Variants in SPC25 observed in about 807,000 individuals in gnomAD.
The protein encoded by SPC25 is kinetochore protein Spc25.
In SPC25, 22 loss-of-function variants were observed where a neutral mutation model predicts 29.6. The observed-to-expected ratio is 0.74, with a 90% confidence interval of 0.53 to 1.06. SPC25 has a LOEUF of 1.06. Ranked by LOEUF, SPC25 falls within the 50% of genes least tolerant of loss-of-function variation. The pLI, the probability that SPC25 is intolerant of heterozygous loss-of-function variation, is 0.00. For missense variants in SPC25, 230 were observed against 255.8 expected, an observed-to-expected ratio of 0.90 and a Z score of 0.69; for synonymous variants, 91 against 90.4, an observed-to-expected ratio of 1.01 and a Z score of -0.04.
intron 3 of SPC25, among the ~76,000 whole-genome samples, chr2:168,888,039 G>A (rs779679685): frequency 3.9e-5 from 6 of 152,298 alleles, no homozygotes; most frequent in East Asian, 3.9e-4. Context: ...AGCACTTTGG[G>A]CAGCCAAAGT....
downstream of SPC25, among the ~76,000 whole-genome samples, chr2:168,867,331 C>T (rs561275696): frequency 3.2e-4 from 48 of 151,024 alleles, no homozygotes; most frequent in South Asian, 1.9e-3. Flanking sequence ...CATCAACTAA[C>T]GAGCAAAATA....
At chr2:168,889,562 T>A in intron 1 of SPC25, 29 bp from the exon 2 acceptor site, 1 of 1,586,300 alleles carries the variant, frequency 6.3e-7, no homozygotes, top group Non-Finnish European at 8.6e-7. Flanking sequence ...TTGCATTTTT[T>A]AAGTTACTGA....
At chr2:168,866,407 G>A (rs1310043735), downstream of SPC25, among the ~76,000 whole-genome samples, 1 of 152,258 alleles carries the variant, frequency 6.6e-6, no homozygotes, top group Non-Finnish European at 1.5e-5. Context: ...ATGGTGCTGG[G>A]AAAACTGGCT....
chr2:168,863,857 A>C (rs775463064), intron 4 of SPC25, among the ~76,000 whole-genome samples: 1 of 152,168 alleles, frequency 6.6e-6, no homozygotes, highest in Non-Finnish European at 1.5e-5. Flanking sequence ...CATCAGCTAC[A>C]TAGAAATAGA....
At position 168,871,042 on chromosome 2, in the gene SPC25, T is replaced by C. The variant is rs1322853318; in HGVS notation, c.*389A>G. On this transcript the variant is annotated 3_prime_UTR_variant, in exon 7 of 7. Transcript: ENST00000282074. ...CTATGCAGCCATAAAAAAGGATGAG[T>C]TCATGTCCTTTGTAGGAACATGGAT... 2.0e-5 allele frequency: 3 copies of C among 153,364 alleles called. No homozygotes were observed. The highest frequency in any genetic ancestry group is 2.0e-4 in the South Asian group (1 of 4,916). The allele number at this position is 153,364 out of a possible 1,614,324, so 9.5% of individuals were successfully genotyped here. A position where few individuals can be genotyped will look rare whatever the true frequency, so the allele number is the denominator to read the frequency against.
chr2:168,886,846 A>G (rs1407706246), intron 3 of SPC25, among the ~76,000 whole-genome samples: 2 of 152,184 alleles, frequency 1.3e-5, no homozygotes, highest in African/African-American at 4.8e-5. Context: ...TAAAAGAAAA[A>G]TATTGATAAT....
chr2:168,888,415 C>T (rs902882094), intron 3 of SPC25, among the ~76,000 whole-genome samples: 2 of 152,090 alleles, frequency 1.3e-5, no homozygotes, highest in African/African-American at 2.4e-5. Flanking sequence ...ATTAGCCAGG[C>T]GTGGTTGCAG....
At position 168,889,379 on chromosome 2, in the gene SPC25, C is replaced by G. The variant is rs1305382181; in HGVS notation, c.133+8G>C. 3.1e-6 allele frequency: 5 copies of G among 1,613,962 alleles called. No homozygotes were observed. Among genetic ancestry groups the G allele is most frequent in the African/African-American group, 1.3e-5 (1 of 74,910 alleles). On this transcript the variant is annotated splice_region_variant and intron_variant, in intron 2 of 6. Coordinates refer to ENST00000282074, the MANE Select transcript of SPC25 (RefSeq NM_020675.4). ...AAAACCAGCATGTTACAAGTTAACA[C>G]TAGGTACCTGCAAATGCTTTGATGG...
At chr2:168,885,131 C>T (rs1439446128) in intron 3 of SPC25, among the ~76,000 whole-genome samples, 1 of 152,188 alleles carries the variant, frequency 6.6e-6, no homozygotes, top group Non-Finnish European at 1.5e-5. Flanking sequence ...AGCATATTCA[C>T]CCAACATGTT....
At chr2:168,888,035 T>C (rs559222529) in intron 3 of SPC25, among the ~76,000 whole-genome samples, 42 of 152,256 alleles carry the variant, frequency 2.8e-4, no homozygotes, top group African/African-American at 9.6e-4. Context: ...TCCTAGCACT[T>C]TGGGCAGCCA....
intron 4 of SPC25, chr2:168,865,593 C>CAACTTCT (rs1689818023): frequency 6.6e-6 from 1 of 152,264 alleles, no homozygotes; most frequent in Non-Finnish European, 1.5e-5. Flanking sequence ...CACTCCTATT[C>CAACTTCT]AACATAGTGT....
intron 6 of SPC25, among the ~76,000 whole-genome samples, chr2:168,872,491 A>G (rs1690013136): frequency 6.6e-6 from 1 of 152,174 alleles, no homozygotes; most frequent in Non-Finnish European, 1.5e-5. Context: ...TCTCCAGTGA[A>G]GGTGGTCAAA....
chr2:168,865,014 A>G (rs527812643), intron 4 of SPC25: 2 of 1,599,834 alleles, frequency 1.3e-6, no homozygotes, highest in Non-Finnish European at 1.7e-6. Context: ...GTAATCAACA[A>G]TACAGTGTGG....
At chr2:168,866,404 T>C (rs1689853161), downstream of SPC25, among the ~76,000 whole-genome samples, 1 of 152,278 alleles carries the variant, frequency 6.6e-6, no homozygotes, top group Non-Finnish European at 1.5e-5. Context: ...TAAATGGTGC[T>C]GGGAAAACTG....
At chr2:168,864,252 C>T (rs1689700120) in intron 4 of SPC25, among the ~76,000 whole-genome samples, 2 of 151,286 alleles carry the variant, frequency 1.3e-5, no homozygotes, top group Middle Eastern at 3.4e-3. Flanking sequence ...GCTGGGATTA[C>T]AGCTGTCAGC....
chr2:168,877,089 G>T, intron 4 of SPC25, 149 bp downstream of exon 4: 1 of 685,226 alleles, frequency 1.5e-6, no homozygotes, highest in Non-Finnish European at 2.3e-6. Flanking sequence ...TAACTTTAAT[G>T]ACATCTTGCA....
rs971542641 is a variant in SPC25 at position 168,864,377 on chromosome 2, C to T, written n.419+9208G>A. Among the ~76,000 whole-genome samples, 38 of 151,928 alleles carry T rather than the reference C, an allele frequency of 2.5e-4. 1 individual carries two copies. Among genetic ancestry groups the T allele is most frequent in the Admixed American group, 1.8e-3 (28 of 15,240 alleles). The stretch of plus-strand genomic sequence containing the variant: ...TCTCAGCTCACTGCAACCTCTGCCT[C>T]CCGGGTTCAAGGATTCTCCTGCCTC... On this transcript the variant is annotated intron_variant and non_coding_transcript_variant, in intron 4 of 4. Coordinates refer to the SPC25 transcript ENST00000479309.
intron 3 of SPC25, among the ~76,000 whole-genome samples, chr2:168,882,377 C>T (rs1020470173): frequency 2.0e-5 from 3 of 152,214 alleles, no homozygotes; most frequent in Non-Finnish European, 4.4e-5. Flanking sequence ...AACGCTCAGG[C>T]TGGCGGATCA....
intron 4 of SPC25, chr2:168,863,795 A>G (rs952540096): frequency 9.8e-6 from 3 of 305,104 alleles, no homozygotes; most frequent in Non-Finnish European, 1.4e-5. Context: ...CAAAAACACC[A>G]GCATGTGAAA....
Sources: gnomAD v4.1 joint callset for allele counts (sites outside exome capture counted in the v4.1 genomes callset) on GRCh38, gnomAD v4.1.1 for gene constraint, MANE v1.5 for transcripts, NCBI Gene and HGNC (gene_info 2026-07-23, HGNC 2026-07-21) for gene names.